The following MINK1 variants were observed in gnomAD, a reference collection of about 807,000 sequenced individuals.
MINK1 encodes misshapen like kinase 1, also known as misshapen-like kinase 1.
Under a neutral mutation model 178.4 loss-of-function variants are expected in MINK1, and 46 were observed. That is an observed-to-expected ratio of 0.26 (90% confidence interval 0.20 to 0.33). The LOEUF is 0.33. Ranked by LOEUF, MINK1 falls within the 10% of genes least tolerant of loss-of-function variation. MINK1 has a pLI of 1.00. For synonymous variants in MINK1, 797 were observed against 709.7 expected (o/e 1.12, Z -1.96); for missense variants, 1,366 against 1,814.9 (o/e 0.75, Z 4.49).
At chr17:4,877,239 C>T (rs926999302) in intron 1 of MINK1, among the ~76,000 whole-genome samples, 1 of 152,140 alleles carries the variant, frequency 6.6e-6, no homozygotes, top group Non-Finnish European at 1.5e-5. Flanking sequence ...GGTGGCCTCC[C>T]GACCGCAGCT....
chr17:4,882,471 G>C (rs1967790181), intron 4 of MINK1, among the ~76,000 whole-genome samples: 1 of 152,160 alleles, frequency 6.6e-6, no homozygotes, highest in Non-Finnish European at 1.5e-5. Context: ...TTCTCTCAGG[G>C]TCTTCCCAGG....
At chr17:4,861,536 T>C in intron 1 of MINK1, 1 of 163,220 alleles carries the variant, frequency 6.1e-6, no homozygotes, top group South Asian at 1.2e-4. Context: ...AGTCTCACTC[T>C]GTTGCCCAAG....
Position 4,889,672 on chromosome 17 carries a change from G to T in MINK1, c.1256G>T (p.Arg419Leu). The stretch of plus-strand genomic sequence containing the variant: ...CAACAGCGGCGGGAGCGGGAGCAGC[G>T]GAAGCTGCAGGAGAAGGAGCAGCAG... ...EEQQRREREQ[R>L]KLQEKEQQRR... The change falls in exon 13 of 32, where the codon CGG becomes CTG. Residue 419 changes from arginine to leucine, a missense_variant. By Grantham distance (102) the Arg-to-Leu change is moderately radical. This residue lies in a region of MINK1 where 87 missense variants were observed against 78.9 expected (regional missense o/e 1.10). Transcript: ENST00000355280. 1 of 1,562,724 alleles carries T rather than the reference G, an allele frequency of 6.4e-7. No homozygotes were observed. The highest frequency in any genetic ancestry group is 8.7e-7 in the Non-Finnish European group (1 of 1,155,362).
chr17:4,894,962 C>T lies in MINK1; in HGVS notation c.2918-113C>T, dbSNP rs1969299286. ...ATGCACCTCCTCTCCTCCTGTCTTT[C>T]TCCTCCTTTCTGCGTATTATGAGGT... On this transcript the variant is annotated intron_variant, in intron 24 of 31. Coordinates refer to ENST00000355280, the MANE Select transcript of MINK1 (RefSeq NM_153827.5). This position sits in a 1 kb window ranked among gnomAD's most constrained non-coding sequence, Gnocchi z 4.1. 1.7e-6 allele frequency: 2 copies of T among 1,171,326 alleles called. No homozygotes were observed. Among genetic ancestry groups the T allele is most frequent in the South Asian group, 1.4e-5 (1 of 69,262 alleles). 72.6% of individuals were successfully genotyped at this position (1,171,326 alleles called of 1,614,324 possible).
At chr17:4,890,484 TG>T in intron 13 of MINK1, 32 bp from the exon 14 acceptor site, 1 of 1,558,988 alleles carries the variant, frequency 6.4e-7, no homozygotes, top group Non-Finnish European at 8.7e-7. Context: ...GGCCACACCC[TG>T]CTGAGCCCTC....
chr17:4,844,799 G>C (rs376428589), intron 1 of MINK1, among the ~76,000 whole-genome samples: 1 of 152,160 alleles, frequency 6.6e-6, no homozygotes, highest in African/African-American at 2.4e-5. Context: ...GGAGAGGAAG[G>C]CTGTCTCATT....
rs774708582 is a variant in MINK1 at position 4,894,313 on chromosome 17, TA to T, written c.2808+4del. ...CCCTCGAAGGATGGGAGTGGTGACG[TA>T]AGTGGGCCGGAGGCAGGTCCGCCGG... On this transcript the variant is annotated splice_donor_region_variant and intron_variant, in intron 23 of 31. Transcript: ENST00000355280. The surrounding 1 kb of genome is among the most constrained non-coding windows in gnomAD (Gnocchi z 4.1). 6.2e-7 allele frequency: 1 copy of T among 1,607,260 alleles called. No individual in the cohort carries two copies. Among genetic ancestry groups the T allele is most frequent in the Non-Finnish European group, 8.5e-7 (1 of 1,178,604 alleles).
chr17:4,863,476 A>G (rs974007165), intron 1 of MINK1, among the ~76,000 whole-genome samples: 1 of 152,054 alleles, frequency 6.6e-6, no homozygotes, highest in Non-Finnish European at 1.5e-5. Context: ...GGGGTCAGGA[A>G]CTCATGTCTT....
chr17:4,875,682 G>A, intron 1 of MINK1: 1 of 307,654 alleles, frequency 3.3e-6, no homozygotes, highest in South Asian at 2.4e-5. Flanking sequence ...TGAGGCAGGA[G>A]AATCATTTGA....
chr17:4,891,129 G>T lies in MINK1; in HGVS notation c.1740+5G>T. On this transcript the variant is annotated splice_donor_5th_base_variant and intron_variant, in intron 15 of 31. Transcript: ENST00000355280. ...CCCCAGGAGGGACCGCACAAGGTGA[G>T]TCTCTCCCCACCCCTGTCTTAATGA... is the stretch of plus-strand genomic sequence containing the variant. The T allele has an allele frequency of 6.6e-7, 1 of 1,515,582 alleles. No individual in the cohort carries two copies. The highest frequency in any genetic ancestry group is 8.8e-7 in the Non-Finnish European group (1 of 1,132,042). 93.9% of individuals were successfully genotyped at this position (1,515,582 alleles called of 1,614,324 possible).
rs116006193 is a variant in MINK1, at chr17:4,885,676, G to A, written c.639+63G>A. ...GGGCGGGAAGCAATATGGGGACCAC[G>A]GGGCCTGAGCAGGCTGGGGAACAGA... On this transcript the variant is annotated intron_variant, in intron 7 of 31. Coordinates refer to ENST00000355280, the MANE Select transcript of MINK1 (RefSeq NM_153827.5). The surrounding 1 kb of genome is among the most constrained non-coding windows in gnomAD (Gnocchi z 5.0). 4,311 of 1,601,422 alleles carry A rather than the reference G, an allele frequency of 2.7e-3. 70 individuals are homozygous for A. In the African/African-American group the frequency reaches 0.045, roughly 17 times the overall value.
intron 1 of MINK1, among the ~76,000 whole-genome samples, chr17:4,873,887 A>G (rs1022145685): frequency 1.3e-5 from 2 of 151,932 alleles, no homozygotes; most frequent in Non-Finnish European, 2.9e-5. Flanking sequence ...CCCAAAGTGC[A>G]GGGATTACAG....
chr17:4,860,532 C>T (rs1479282488), intron 1 of MINK1, among the ~76,000 whole-genome samples: 2 of 152,222 alleles, frequency 1.3e-5, no homozygotes, highest in African/African-American at 4.8e-5. Flanking sequence ...ACTACTACTA[C>T]TACACTAACA....
At chr17:4,884,874 C>A in intron 5 of MINK1, 38 bp from the exon 6 acceptor site, 1 of 1,588,060 alleles carries the variant, frequency 6.3e-7, no homozygotes, top group Non-Finnish European at 8.6e-7. Context: ...CTACCCCATC[C>A]AACACCATGG....
intron 2 of MINK1, among the ~76,000 whole-genome samples, chr17:4,879,200 T>G (rs867264331): frequency 1.1e-3 from 138 of 124,308 alleles, no homozygotes; most frequent in African/African-American, 1.7e-3. Flanking sequence ...ACTTGGATTG[T>G]GGGAGCCGCT....
intron 31 of MINK1, 72 bp from the exon 32 acceptor site, chr17:4,897,132 T>C (rs1969616167): frequency 3.3e-6 from 4 of 1,227,770 alleles, no homozygotes; most frequent in Non-Finnish European, 3.5e-6. Flanking sequence ...CCTTCTTCCC[T>C]TCTTTCCCTC....
rs891814646 is a variant in MINK1 at position 4,869,642 on chromosome 17, A to G, written c.58-8675A>G. Among the ~76,000 whole-genome samples the G allele has an allele frequency of 3.9e-5, 6 of 151,938 alleles. No individual in the cohort carries two copies. The East Asian group carries it at 5.8e-4, about 15-fold the overall frequency. On this transcript the variant is annotated intron_variant, in intron 1 of 31. Coordinates refer to ENST00000355280, the MANE Select transcript of MINK1 (RefSeq NM_153827.5). ...CCGATCTTACGATAGTTCTGTTTTC[A>G]GTTTTTTGAGGAACCTGCTTACTGT...
Position 4,896,772 on chromosome 17 carries a change from C to G in MINK1, c.3874C>G (p.Arg1292Gly). 6.3e-7 allele frequency: 1 copy of G among 1,590,418 alleles called. No homozygotes were observed. The highest frequency in any genetic ancestry group is 8.6e-7 in the Non-Finnish European group (1 of 1,168,068). The change falls in exon 31 of 32, where the codon CGA becomes GGA. Residue 1292 changes from arginine to glycine, a missense_variant. Coordinates refer to ENST00000355280, the MANE Select transcript of MINK1 (RefSeq NM_153827.5). This position sits in a 1 kb window ranked among gnomAD's most constrained non-coding sequence, Gnocchi z 4.6. ...GHLDGVFMHKRAQRLKFLCER... is the reference protein window; with the variant it reads ...GHLDGVFMHKGAQRLKFLCER... ...CCTCGACGGGGTCTTCATGCACAAA[C>G]GAGCTCAGAGGCTCAAGTTCCTGTG...
intron 1 of MINK1, among the ~76,000 whole-genome samples, chr17:4,852,549 G>A (rs1390930085): frequency 1.3e-5 from 2 of 150,922 alleles, no homozygotes; most frequent in East Asian, 4.0e-4. Flanking sequence ...GGAGTGAGAA[G>A]GAACAGAGAG....
Sources: gnomAD v4.1 joint callset for allele counts (sites outside exome capture counted in the v4.1 genomes callset) on GRCh38, gnomAD v4.1.1 for gene constraint, gnomAD v4.1.1 regional missense constraint, Gnocchi (gnomAD v3.1) non-coding constraint, MANE v1.5 for transcripts, NCBI Gene and HGNC (gene_info 2026-07-23, HGNC 2026-07-21) for gene names.